The following KDM1B variants were observed in gnomAD, a reference collection of about 807,000 sequenced individuals.
KDM1B encodes the protein lysine-specific histone demethylase 2.
KDM1B carries 63 observed loss-of-function variants against 107.4 expected under a neutral mutation model. The ratio of observed to expected loss-of-function variants is 0.59; its 90% CI spans 0.48 to 0.72. The LOEUF (loss-of-function observed/expected upper bound fraction) is 0.72. KDM1B is among the 30% of genes least tolerant of loss of function. KDM1B has a pLI of 0.00. For synonymous variants in KDM1B, 363 were observed against 363.9 expected (o/e 1.00, Z 0.03); for missense variants, 749 against 1,020.8 (o/e 0.73, Z 3.63).
In KDM1B at chr6:18,217,718, T is replaced by G. The variant is rs373866602; in HGVS notation, c.2233-15T>G. 17 of 1,607,424 alleles carry G rather than the reference T, an allele frequency of 1.1e-5. No homozygotes were observed. Among genetic ancestry groups the G allele is most frequent in the Non-Finnish European group, 1.4e-5 (16 of 1,177,186 alleles). On this transcript the variant is annotated splice_polypyrimidine_tract_variant and intron_variant, in intron 20 of 21. Transcript: ENST00000650836. ...TTCTTGATCCTACTTCATAATTCCTTTCTATTGGACATAGGAGGTCCCAGA... is the reference window on the plus strand; with the variant it reads ...TTCTTGATCCTACTTCATAATTCCTGTCTATTGGACATAGGAGGTCCCAGA...
At chr6:18,206,504 G>C (rs1450887156) in intron 15 of KDM1B, among the ~76,000 whole-genome samples, 1 of 152,212 alleles carries the variant, frequency 6.6e-6, no homozygotes, top group Non-Finnish European at 1.5e-5. Flanking sequence ...GCGATAGAGT[G>C]AGACCCTGTC....
intron 10 of KDM1B, among the ~76,000 whole-genome samples, chr6:18,195,957 T>C (rs1339993586): frequency 6.6e-6 from 1 of 152,090 alleles, no homozygotes; most frequent in East Asian, 1.9e-4. Context: ...TAAACTGAAA[T>C]TTTTTATCCT....
intron 7 of KDM1B, among the ~76,000 whole-genome samples, chr6:18,183,512 G>A (rs561881598): frequency 2.8e-4 from 42 of 151,808 alleles, no homozygotes; most frequent in African/African-American, 8.7e-4. Context: ...CACCCACCTC[G>A]GCCTCCCAAA....
chr6:18,221,095 C>CA (rs1053521083), intron 21 of KDM1B, among the ~76,000 whole-genome samples: 1 of 152,014 alleles, frequency 6.6e-6, no homozygotes, highest in Admixed American at 6.6e-5. Flanking sequence ...TTTCTCCCCC[C>CA]ACTAGTCACT....
At chr6:18,176,684 A>G (rs1786031899) in intron 7 of KDM1B, among the ~76,000 whole-genome samples, 1 of 152,128 alleles carries the variant, frequency 6.6e-6, no homozygotes, top group South Asian at 2.1e-4. Flanking sequence ...GATTTTGTCC[A>G]GTGCTTTTTC....
Position 18,213,604 on chromosome 6 carries a change from G to T in KDM1B, c.1984-52G>T. ...ACAGGTTGCTGCTTAGATATTGCCT[G>T]TGGTTTTGTGACGACAGACACCTAA... On this transcript the variant is annotated intron_variant, in intron 18 of 21. Coordinates refer to ENST00000650836, the MANE Select transcript of KDM1B (RefSeq NM_001364614.2). The surrounding 1 kb of genome is among the most constrained non-coding windows in gnomAD (Gnocchi z 5.9). 6.2e-7 allele frequency: 1 copy of T among 1,607,756 alleles called. No individual in the cohort carries two copies. Among genetic ancestry groups the T allele is most frequent in the South Asian group, 1.1e-5 (1 of 90,804 alleles).
chr6:18,158,459 TG>T (rs1479775067), intron 2 of KDM1B, among the ~76,000 whole-genome samples: 1 of 152,142 alleles, frequency 6.6e-6, no homozygotes, highest in Non-Finnish European at 1.5e-5. Context: ...CTCTTATGAA[TG>T]TTAATACAGC....
rs1582207574 is a variant in KDM1B, at chr6:18,212,054, T to C, written c.1867-434T>C. ...TCCGCCTTCCAGGTTCAAGAGATTC[T>C]CCTGCCTCAGCTTCCCAAGTATCTG... On this transcript the variant is annotated intron_variant, in intron 17 of 21. Coordinates refer to ENST00000650836, the MANE Select transcript of KDM1B (RefSeq NM_001364614.2). This position sits in a 1 kb window ranked among gnomAD's most constrained non-coding sequence, Gnocchi z 5.2. The C allele has an allele frequency of 6.0e-6, 1 of 166,872 alleles. No individual in the cohort carries two copies. The highest frequency in any genetic ancestry group is 1.3e-5 in the Non-Finnish European group (1 of 77,326). The allele number at this position is 166,872 out of a possible 1,614,324, so 10.3% of individuals were successfully genotyped here. A position where few individuals can be genotyped will look rare whatever the true frequency, so the allele number is the denominator to read the frequency against.
In KDM1B at chr6:18,204,548, C is replaced by T. The variant is rs1788248602; in HGVS notation, c.1532-989C>T. Reference sequence around the variant, plus strand: ...TGTGATACATGTTTTGGATGGTTGTCATCACTGGAACAGTTGTAAAGAAGT... The same window carrying T: ...TGTGATACATGTTTTGGATGGTTGTTATCACTGGAACAGTTGTAAAGAAGT... On this transcript the variant is annotated intron_variant, in intron 14 of 21. Transcript: ENST00000650836. This position sits in a 1 kb window ranked among gnomAD's most constrained non-coding sequence, Gnocchi z 4.9. Among the ~76,000 whole-genome samples, 1 of 152,170 alleles carries T rather than the reference C, an allele frequency of 6.6e-6. No individual in the cohort carries two copies. The highest frequency in any genetic ancestry group is 6.5e-5 in the Admixed American group (1 of 15,268).
chr6:18,199,683 T>C (rs1337630933), intron 12 of KDM1B, among the ~76,000 whole-genome samples: 1 of 150,924 alleles, frequency 6.6e-6, no homozygotes, highest in African/African-American at 2.5e-5. Context: ...AAGTAATATT[T>C]ATATGGAGTG....
At chr6:18,221,055 A>G (rs964267607) in intron 21 of KDM1B, among the ~76,000 whole-genome samples, 1 of 151,582 alleles carries the variant, frequency 6.6e-6, no homozygotes, top group African/African-American at 2.4e-5. Context: ...CTAAAAACCT[A>G]TTTCTGAGGC....
chr6:18,184,467 G>T (rs1483583911), intron 7 of KDM1B, among the ~76,000 whole-genome samples: 1 of 151,326 alleles, frequency 6.6e-6, no homozygotes, highest in African/African-American at 2.4e-5. Flanking sequence ...TAGAGACGAG[G>T]TTTCACCATG....
intron 5 of KDM1B, among the ~76,000 whole-genome samples, chr6:18,163,944 T>C (rs1054132459): frequency 1.5e-5 from 2 of 137,640 alleles, no homozygotes; most frequent in Middle Eastern, 3.5e-3. Flanking sequence ...TGATTGATAG[T>C]GCAGTTCAGG....
chr6:18,215,189 G>A, intron 20 of KDM1B, 60 bp downstream of exon 20: 1 of 1,550,432 alleles, frequency 6.4e-7, no homozygotes, highest in Non-Finnish European at 8.7e-7. Context: ...CAGAGCAGGT[G>A]TGAAGCCCAA....
intron 12 of KDM1B, among the ~76,000 whole-genome samples, chr6:18,198,204 A>C (rs1466503355): frequency 6.6e-6 from 1 of 151,674 alleles, no homozygotes; most frequent in Non-Finnish European, 1.5e-5. Context: ...CCAAAGTAGA[A>C]GTTCTTGACA....
rs944812947 is a variant in KDM1B at position 18,205,869 on chromosome 6, G to A, written c.1659+205G>A. Among the ~76,000 whole-genome samples, 5 of 152,124 alleles carry A rather than the reference G, an allele frequency of 3.3e-5. No homozygotes were observed. Among genetic ancestry groups the A allele is most frequent in the African/African-American group, 9.7e-5 (4 of 41,428 alleles). On this transcript the variant is annotated intron_variant, in intron 15 of 21. Coordinates refer to ENST00000650836, the MANE Select transcript of KDM1B (RefSeq NM_001364614.2). This position sits in a 1 kb window ranked among gnomAD's most constrained non-coding sequence, Gnocchi z 5.7. ...TAGCCAGGCCTGGTGGCGCATACCT[G>A]TAGTCCCAGCTACTCGGGAGGCTGA...
At chr6:18,189,257 A>G (rs746813591) in intron 9 of KDM1B, among the ~76,000 whole-genome samples, 9 of 152,126 alleles carry the variant, frequency 5.9e-5, no homozygotes, top group South Asian at 2.1e-4. Flanking sequence ...TTGTTTACCA[A>G]TAACACTGGA....
At chr6:18,177,743 A>C (rs1261863207) in intron 7 of KDM1B, among the ~76,000 whole-genome samples, 1 of 151,682 alleles carries the variant, frequency 6.6e-6, no homozygotes, top group Non-Finnish European at 1.5e-5. Flanking sequence ...TTTAATTGGG[A>C]CATAGCCATG....
intron 20 of KDM1B, among the ~76,000 whole-genome samples, chr6:18,217,440 G>A (rs952301342): frequency 1.3e-4 from 19 of 148,564 alleles, no homozygotes; most frequent in East Asian, 3.9e-4. Flanking sequence ...GTGCAGTGGC[G>A]CGATCTCGGC....
Sources: allele counts gnomAD v4.1 joint callset (sites outside exome capture counted in the v4.1 genomes callset), GRCh38; gene constraint gnomAD v4.1.1; non-coding constraint Gnocchi (gnomAD v3.1); transcripts MANE v1.5; gene names NCBI Gene and HGNC (gene_info 2026-07-23, HGNC 2026-07-21).